Variants in TUSC3 observed in about 807,000 individuals in gnomAD.
TUSC3 encodes the protein tumor suppressor candidate 3, also known as dolichyl-diphosphooligosaccharide--protein glycosyltransferase subunit TUSC3.
TUSC3 carries 45 observed loss-of-function variants against 44.8 expected under a neutral mutation model. The observed-to-expected ratio is 1.00, with a 90% CI of 0.79 to 1.29. TUSC3 has a LOEUF of 1.29. Among genes scored for constraint, TUSC3 ranks in the 50% most tolerant of loss-of-function variants. The pLI is 0.00. For synonymous variants in TUSC3, 212 were observed against 152.9 expected, an observed-to-expected ratio of 1.39 and a Z score of -2.85; for missense variants, 519 against 437.9, an observed-to-expected ratio of 1.19 and a Z score of -1.65.
intron 1 of TUSC3, among the ~76,000 whole-genome samples, chr8:15,580,938 A>G (rs1803302577): frequency 8.3e-6 from 1 of 120,230 alleles, no homozygotes; most frequent in Admixed American, 8.7e-5. Flanking sequence ...CATTCTCCCC[A>G]TCACTTTCAG....
chr8:15,598,163 C>T (rs979406480), intron 1 of TUSC3, among the ~76,000 whole-genome samples: 1 of 151,910 alleles, frequency 6.6e-6, no homozygotes, highest in Non-Finnish European at 1.5e-5. Context: ...TGATCTTTGT[C>T]ATTATCTAGA....
At chr8:15,432,805 T>C (rs1046028834) in intron 1 of TUSC3, among the ~76,000 whole-genome samples, 1 of 152,076 alleles carries the variant, frequency 6.6e-6, no homozygotes, top group Non-Finnish European at 1.5e-5. Context: ...AGTTCTGTTT[T>C]TTGCTTCCCC....
At chr8:15,770,881 C>A (rs191475772), downstream of TUSC3, among the ~76,000 whole-genome samples, 2 of 152,168 alleles carry the variant, frequency 1.3e-5, no homozygotes, top group Admixed American at 1.3e-4. Context: ...CTTACCAAAT[C>A]TGAAAAAAGA....
the TUSC3 span, among the ~76,000 whole-genome samples, chr8:15,803,248 T>G: frequency 6.6e-6 from 1 of 152,192 alleles, no homozygotes; most frequent in African/African-American, 2.4e-5. Flanking sequence ...TGGCAATTTT[T>G]CATCATTCTT....
chr8:15,434,782 G>A (rs934503788), intron 1 of TUSC3, among the ~76,000 whole-genome samples: 16 of 151,778 alleles, frequency 1.1e-4, no homozygotes, highest in African/African-American at 3.6e-4. Flanking sequence ...GAGAACATGT[G>A]GTGTTTGGTT....
intron 6 of TUSC3, among the ~76,000 whole-genome samples, chr8:15,729,427 T>G (rs1810624604): frequency 6.6e-6 from 1 of 152,130 alleles, no homozygotes; most frequent in Admixed American, 6.6e-5. Flanking sequence ...AGTCTCAGTT[T>G]CCTCATTTGG....
At chr8:15,615,571 G>C (rs547122662) in intron 1 of TUSC3, among the ~76,000 whole-genome samples, 68 of 152,058 alleles carry the variant, frequency 4.5e-4, no homozygotes, top group Admixed American at 6.6e-4. Context: ...GGTGAATATA[G>C]TTTACACTAA....
In TUSC3 at chr8:15,644,323, T is replaced by A. The variant is rs540009489; in HGVS notation, c.309-6374T>A. 2.0e-5 allele frequency among the ~76,000 whole-genome samples: 3 copies of A among 152,328 alleles called. No homozygotes were observed. In the South Asian group the frequency reaches 6.2e-4, roughly 32 times the overall value. On this transcript the variant is annotated intron_variant, in intron 2 of 10. Transcript: ENST00000503731. ...GGCTGCATAAGTATATATTAGAATT[T>A]ATGGCGTTCACTACATTCATGAAGT...
chr8:15,779,110 TTTTTTTTTC>T, the TUSC3 span, among the ~76,000 whole-genome samples: 2 of 117,536 alleles, frequency 1.7e-5, no homozygotes, highest in East Asian at 5.1e-4. Context: ...TTTTTTTTTT[TTTTTTTTTC>T]CACGTTACTT....
chr8:15,851,114 A>G, the TUSC3 span, among the ~76,000 whole-genome samples: 2 of 152,364 alleles, frequency 1.3e-5, no homozygotes, highest in African/African-American at 4.8e-5. Flanking sequence ...ATGGGAGCTC[A>G]ACATTAATGA....
At chr8:15,751,143 G>A (rs1168530161) in intron 9 of TUSC3, among the ~76,000 whole-genome samples, 1 of 152,112 alleles carries the variant, frequency 6.6e-6, no homozygotes, top group African/African-American at 2.4e-5. Flanking sequence ...TAGAGTTTGG[G>A]TTGCTCTGTT....
chr8:15,763,632 A>T (rs902528342), intron 10 of TUSC3, among the ~76,000 whole-genome samples: 1 of 152,006 alleles, frequency 6.6e-6, no homozygotes, highest in Non-Finnish European at 1.5e-5. Flanking sequence ...TCATAAATTA[A>T]AGCTTTGCTT....
intron 2 of TUSC3, among the ~76,000 whole-genome samples, chr8:15,517,707 G>A (rs1264033354): frequency 6.6e-6 from 1 of 151,936 alleles, no homozygotes; most frequent in African/African-American, 2.4e-5. Context: ...ATCATCAGCT[G>A]TATTATATAA....
At chr8:15,773,049 A>C in the TUSC3 span, among the ~76,000 whole-genome samples, 8 of 126,512 alleles carry the variant, frequency 6.3e-5, no homozygotes, top group Non-Finnish European at 1.4e-4. Flanking sequence ...GGTTAAAAAC[A>C]AAACTTTCCC....
intron 1 of TUSC3, among the ~76,000 whole-genome samples, chr8:15,606,785 A>G (rs940320352): frequency 6.6e-6 from 1 of 152,054 alleles, no homozygotes; most frequent in African/African-American, 2.4e-5. Context: ...GATGAACTAA[A>G]GGAAACACAC....
At chr8:15,488,746 G>C (rs963789851) in intron 2 of TUSC3, among the ~76,000 whole-genome samples, 2 of 152,148 alleles carry the variant, frequency 1.3e-5, no homozygotes, top group South Asian at 2.1e-4. Context: ...AGAAAGTGCA[G>C]ACTGTAAGCC....
chr8:15,788,104 A>G, the TUSC3 span, among the ~76,000 whole-genome samples: 1 of 152,146 alleles, frequency 6.6e-6, no homozygotes, highest in Non-Finnish European at 1.5e-5. Context: ...GGGCTTTAAC[A>G]GACTATGGCT....
At chr8:15,552,242 A>G (rs1005469192) in intron 1 of TUSC3, among the ~76,000 whole-genome samples, 2 of 151,858 alleles carry the variant, frequency 1.3e-5, no homozygotes, top group African/African-American at 2.4e-5. Flanking sequence ...TTACTGAACA[A>G]AGTGCCAAGT....
chr8:15,684,287 C>T (rs531153529), intron 6 of TUSC3, among the ~76,000 whole-genome samples: 3 of 152,090 alleles, frequency 2.0e-5, no homozygotes, highest in Non-Finnish European at 4.4e-5. Flanking sequence ...CCTTGGGAAC[C>T]CACTGTTCCT....
Sources: allele counts gnomAD v4.1 joint callset (sites outside exome capture counted in the v4.1 genomes callset), GRCh38; gene constraint gnomAD v4.1.1; transcripts MANE v1.5; gene names NCBI Gene and HGNC (gene_info 2026-07-23, HGNC 2026-07-21).